The following SEPTIN7 variants were observed in gnomAD, a reference collection of about 807,000 sequenced individuals.
SEPTIN7 encodes the protein septin-7.
SEPTIN7 carries 10 observed loss-of-function variants against 63.3 expected under a neutral mutation model. The ratio of observed to expected loss-of-function variants is 0.16; its 90% confidence interval spans 0.10 to 0.27. The LOEUF is 0.27. SEPTIN7 is among the 10% of genes least tolerant of loss of function. The pLI, the probability that SEPTIN7 is intolerant of heterozygous loss-of-function variation, is 1.00. For synonymous variants in SEPTIN7, 131 were observed against 165.3 expected (o/e 0.79, Z 1.59); for missense variants, 310 against 521.0 (o/e 0.59, Z 3.94).
At chr7:35,852,438 G>A (rs1283706939) in intron 3 of SEPTIN7, among the ~76,000 whole-genome samples, 1 of 151,958 alleles carries the variant, frequency 6.6e-6, no homozygotes, top group Non-Finnish European at 1.5e-5. Context: ...CTTGGATTAA[G>A]GGTATGTGAT....
intron 5 of SEPTIN7, among the ~76,000 whole-genome samples, 154 bp from the exon 6 acceptor site, chr7:35,873,487 T>C (rs1786283532): frequency 6.6e-6 from 1 of 152,164 alleles, no homozygotes; most frequent in South Asian, 2.1e-4. Context: ...TTATTCAACA[T>C]AATTTATATT....
chr7:35,860,172 T>A (rs1583577790), intron 3 of SEPTIN7, among the ~76,000 whole-genome samples: 1 of 151,966 alleles, frequency 6.6e-6, no homozygotes, highest in East Asian at 1.9e-4. Context: ...GGATAATATA[T>A]AATATCCTAA....
intron 3 of SEPTIN7, among the ~76,000 whole-genome samples, chr7:35,849,837 C>T (rs1323197532): frequency 1.3e-5 from 2 of 152,094 alleles, no homozygotes; most frequent in Non-Finnish European, 2.9e-5. Flanking sequence ...CATTACTGAC[C>T]ATTTTTTCCT....
downstream of SEPTIN7, among the ~76,000 whole-genome samples, chr7:35,909,692 A>G (rs1788704140): frequency 6.6e-6 from 1 of 152,224 alleles, no homozygotes. Flanking sequence ...ATTGTGAACT[A>G]GAGCTCCTGA....
At chr7:35,834,326 A>G (rs1583529894) in intron 3 of SEPTIN7, among the ~76,000 whole-genome samples, 1 of 152,048 alleles carries the variant, frequency 6.6e-6, no homozygotes, top group East Asian at 1.9e-4. Context: ...AACTATACTT[A>G]GTAGGATAAT....
intron 3 of SEPTIN7, chr7:35,846,859 G>C (rs1784694023): frequency 6.6e-6 from 1 of 152,444 alleles, no homozygotes; most frequent in South Asian, 2.1e-4. Context: ...AGAGTTCCTG[G>C]CTTGGGAACA....
Position 35,883,966 on chromosome 7 carries a change from T to A in SEPTIN7, c.799T>A (p.Tyr267Asn). 6.2e-7 allele frequency: 1 copy of A among 1,608,280 alleles called. No individual in the cohort carries two copies. Among genetic ancestry groups the A allele is most frequent in the Non-Finnish European group, 8.5e-7 (1 of 1,175,296 alleles). The change falls in exon 9 of 14, where the codon TAT (tyrosine) becomes AAT (asparagine). Residue 267 changes from tyrosine (Y) to asparagine (N), a missense_variant. By Grantham distance (143) the Tyr-to-Asn change is moderately radical. This residue lies in a region of SEPTIN7 where 255 missense variants were observed against 490.5 expected (regional missense o/e 0.52). Transcript: ENST00000350320. ...VNGKRVRGRQ[Y>N]PWGVAEVENG... The stretch of plus-strand genomic sequence containing the variant: ...TGGCAAAAGGGTCAGAGGAAGGCAG[T>A]ATCCTTGGGGTGTTGCTGAAGGTAA...
chr7:35,869,129 G>A (rs911090639), intron 4 of SEPTIN7, among the ~76,000 whole-genome samples: 7 of 152,256 alleles, frequency 4.6e-5, no homozygotes, highest in African/African-American at 1.4e-4. Flanking sequence ...AGAAATAAAG[G>A]TTTTGGGAAG....
At chr7:35,900,205 T>G (rs1428412713) in intron 12 of SEPTIN7, 1 of 152,268 alleles carries the variant, frequency 6.6e-6, no homozygotes, top group Non-Finnish European at 1.5e-5. Context: ...ATCATTTCTC[T>G]TACATTATTG....
At chr7:35,874,463 G>T (rs2715606) in intron 6 of SEPTIN7, among the ~76,000 whole-genome samples, 1 of 152,060 alleles carries the variant, frequency 6.6e-6, no homozygotes, top group Admixed American at 6.6e-5. Context: ...GAATTTTCCA[G>T]TTATTCTTCC....
chr7:35,843,292 A>T (rs1419407306), intron 3 of SEPTIN7, among the ~76,000 whole-genome samples: 1 of 152,144 alleles, frequency 6.6e-6, no homozygotes, highest in African/African-American at 2.4e-5. Flanking sequence ...TCTCATGTGG[A>T]TGCCCCCTCA....
intron 6 of SEPTIN7, 136 bp from the exon 7 acceptor site, chr7:35,879,687 T>G: frequency 1.6e-6 from 1 of 612,956 alleles, no homozygotes; most frequent in Middle Eastern, 3.7e-4. Context: ...TAACTTTTGC[T>G]GGCCTAATAC....
intron 3 of SEPTIN7, among the ~76,000 whole-genome samples, chr7:35,842,444 G>C (rs1463574679): frequency 6.6e-6 from 1 of 151,862 alleles, no homozygotes; most frequent in Non-Finnish European, 1.5e-5. Context: ...GGAGTATATA[G>C]CCATTTAAAG....
At chr7:35,811,412 G>C (rs1304116507) in intron 1 of SEPTIN7, among the ~76,000 whole-genome samples, 1 of 152,062 alleles carries the variant, frequency 6.6e-6, no homozygotes, top group East Asian at 1.9e-4. Context: ...GCCACAAGGG[G>C]AAAAATAAAT....
chr7:35,858,211 C>T (rs1785307055), intron 3 of SEPTIN7, among the ~76,000 whole-genome samples: 1 of 152,138 alleles, frequency 6.6e-6, no homozygotes, highest in East Asian at 1.9e-4. Context: ...TCCCAAAATT[C>T]TGAGATTACA....
At chr7:35,836,686 G>C (rs924539177) in intron 3 of SEPTIN7, among the ~76,000 whole-genome samples, 1 of 152,026 alleles carries the variant, frequency 6.6e-6, no homozygotes, top group East Asian at 1.9e-4. Context: ...TAGGATATAC[G>C]ATGACTATCC....
At chr7:35,868,440 C>A (rs1331362447) in intron 4 of SEPTIN7, among the ~76,000 whole-genome samples, 1 of 152,142 alleles carries the variant, frequency 6.6e-6, no homozygotes, top group Non-Finnish European at 1.5e-5. Context: ...TCTCAAAGAT[C>A]TCACAATTGT....
At chr7:35,801,629 C>T (rs563580179) in intron 1 of SEPTIN7, among the ~76,000 whole-genome samples, 11 of 152,286 alleles carry the variant, frequency 7.2e-5, no homozygotes, top group Admixed American at 4.6e-4. Context: ...TCCTCAGTCT[C>T]CTCCCGGGCC....
At chr7:35,823,798 T>G (rs1783356615) in intron 1 of SEPTIN7, among the ~76,000 whole-genome samples, 1 of 152,166 alleles carries the variant, frequency 6.6e-6, no homozygotes, top group African/African-American at 2.4e-5. Flanking sequence ...TCCTAGTCTC[T>G]CTCTCTATTC....
Sources: gnomAD v4.1 joint callset for allele counts (sites outside exome capture counted in the v4.1 genomes callset) on GRCh38, gnomAD v4.1.1 for gene constraint, gnomAD v4.1.1 regional missense constraint, MANE v1.5 for transcripts, NCBI Gene and HGNC (gene_info 2026-07-23, HGNC 2026-07-21) for gene names.